Variants in OSBPL8 observed in about 807,000 individuals in gnomAD.
OSBPL8 encodes the protein oxysterol binding protein like 8, also known as oxysterol-binding protein-related protein 8.
In OSBPL8, 59 loss-of-function variants were observed where a neutral mutation model predicts 125.5. The observed-to-expected ratio is 0.47, with a 90% CI of 0.38 to 0.58. OSBPL8 has a LOEUF of 0.58. OSBPL8 is among the 20% of genes least tolerant of loss of function. OSBPL8 has a pLI of 0.00. For synonymous variants in OSBPL8, 330 were observed against 338.9 expected (o/e 0.97, Z 0.29); for missense variants, 758 against 1,047.8 (o/e 0.72, Z 3.82).
intron 4 of OSBPL8, among the ~76,000 whole-genome samples, chr12:76,415,676 A>G (rs1462252394): frequency 6.6e-6 from 1 of 152,212 alleles, no homozygotes; most frequent in Middle Eastern, 3.2e-3. Flanking sequence ...ACATCAGCAT[A>G]CAAAAGTTCA....
chr12:76,477,222 T>C (rs1458028241), intron 2 of OSBPL8, among the ~76,000 whole-genome samples: 6 of 152,218 alleles, frequency 3.9e-5, no homozygotes, highest in African/African-American at 7.2e-5. Flanking sequence ...GTTTCCTTTA[T>C]ACTCTTAGAA....
chr12:76,479,130 A>G (rs1044799862), intron 2 of OSBPL8, among the ~76,000 whole-genome samples: 3 of 152,210 alleles, frequency 2.0e-5, no homozygotes, highest in Non-Finnish European at 4.4e-5. Flanking sequence ...AGAAGTTTCA[A>G]TAAAGCTATA....
intron 1 of OSBPL8, among the ~76,000 whole-genome samples, chr12:76,518,786 G>T (rs999310999): frequency 2.0e-5 from 3 of 152,234 alleles, no homozygotes; most frequent in Admixed American, 6.5e-5. Flanking sequence ...TTGAGCCGAG[G>T]CTGGAGCTGG....
intron 22 of OSBPL8, among the ~76,000 whole-genome samples, chr12:76,357,560 C>T (rs769455891): frequency 1.3e-4 from 20 of 152,284 alleles, no homozygotes; most frequent in Non-Finnish European, 2.2e-4. Context: ...ACTGGTATGC[C>T]ACATGACTCC....
intron 17 of OSBPL8, among the ~76,000 whole-genome samples, chr12:76,374,148 A>G (rs1456700471): frequency 6.6e-6 from 1 of 152,230 alleles, no homozygotes; most frequent in Non-Finnish European, 1.5e-5. Context: ...TATCAGCTGG[A>G]TATCAACATA....
chr12:76,358,644 A>G (rs1952082977), intron 22 of OSBPL8, 62 bp downstream of exon 22: 1 of 1,362,644 alleles, frequency 7.3e-7, no homozygotes, highest in South Asian at 1.2e-5. Context: ...AACCATATTC[A>G]TATCAAATTG....
At chr12:76,507,088 A>C (rs1377448391) in intron 1 of OSBPL8, among the ~76,000 whole-genome samples, 3 of 151,900 alleles carry the variant, frequency 2.0e-5, no homozygotes, top group African/African-American at 7.3e-5. Flanking sequence ...CCAGGCCTGC[A>C]TCCTAATTTA....
intron 1 of OSBPL8, among the ~76,000 whole-genome samples, chr12:76,552,584 C>CTAG (rs1950977258): frequency 6.6e-6 from 1 of 152,100 alleles, no homozygotes; most frequent in Non-Finnish European, 1.5e-5. Context: ...CTGGCTCTCA[C>CTAG]TCTACTAACT....
intron 21 of OSBPL8, among the ~76,000 whole-genome samples, chr12:76,362,842 T>C (rs1053035268): frequency 2.6e-5 from 4 of 151,374 alleles, no homozygotes; most frequent in African/African-American, 9.7e-5. Context: ...AGTCTCAGGA[T>C]ACAAAAAAAT....
chr12:76,369,114 C>G, intron 21 of OSBPL8, 100 bp downstream of exon 21: 1 of 1,453,288 alleles, frequency 6.9e-7, no homozygotes, highest in Non-Finnish European at 9.1e-7. Flanking sequence ...TTTGCTCACC[C>G]AAAATTTTAA....
At chr12:76,372,855 T>C (rs1487030507) in intron 18 of OSBPL8, among the ~76,000 whole-genome samples, 1 of 152,202 alleles carries the variant, frequency 6.6e-6, no homozygotes, top group Admixed American at 6.5e-5. Context: ...ACTATGCCTC[T>C]TTCTTCTATG....
At chr12:76,534,281 T>A (rs777732372) in intron 1 of OSBPL8, 2 of 152,200 alleles carry the variant, frequency 1.3e-5, no homozygotes, top group Non-Finnish European at 2.9e-5. Flanking sequence ...TAGGAATGTT[T>A]CTGTTAAAGA....
chr12:76,449,993 G>C (rs1873191271), intron 4 of OSBPL8, among the ~76,000 whole-genome samples: 1 of 152,070 alleles, frequency 6.6e-6, no homozygotes, highest in South Asian at 2.1e-4. Flanking sequence ...CATGAGACCA[G>C]ATTTTATTCA....
At chr12:76,485,963 A>G (rs1162844594) in intron 2 of OSBPL8, 1 of 363,214 alleles carries the variant, frequency 2.8e-6, no homozygotes, top group Non-Finnish European at 5.4e-6. Context: ...CATAAAATAA[A>G]CATTAAGTTC....
At chr12:76,458,551 TG>T (rs1254494462) in intron 3 of OSBPL8, among the ~76,000 whole-genome samples, 3 of 151,800 alleles carry the variant, frequency 2.0e-5, no homozygotes, top group African/African-American at 7.3e-5. Flanking sequence ...ATTAATTGGG[TG>T]TGGTGGCACA....
intron 4 of OSBPL8, chr12:76,423,015 C>T (rs933815770): frequency 2.5e-5 from 4 of 157,074 alleles, no homozygotes; most frequent in Non-Finnish European, 5.7e-5. Flanking sequence ...GCAATAAAGT[C>T]ATTTTCTCTT....
intron 4 of OSBPL8, among the ~76,000 whole-genome samples, chr12:76,433,727 C>G (rs1467680677): frequency 2.6e-5 from 4 of 152,210 alleles, no homozygotes; most frequent in African/African-American, 9.6e-5. Flanking sequence ...GTAATCCCAG[C>G]ACTTTGGGAG....
chr12:76,542,765 T>G (rs1471660358), intron 1 of OSBPL8, among the ~76,000 whole-genome samples: 2 of 152,174 alleles, frequency 1.3e-5, no homozygotes, highest in Non-Finnish European at 2.9e-5. Context: ...CCTAATAGTT[T>G]TCAAGAGACT....
chr12:76,451,917 G>A (rs1873458477), intron 3 of OSBPL8, among the ~76,000 whole-genome samples: 1 of 152,070 alleles, frequency 6.6e-6, no homozygotes, highest in African/African-American at 2.4e-5. Flanking sequence ...CCAGGAGTTC[G>A]AGACCATCCT....
Sources: gnomAD v4.1 joint callset for allele counts (sites outside exome capture counted in the v4.1 genomes callset) on GRCh38, gnomAD v4.1.1 for gene constraint, MANE v1.5 for transcripts, NCBI Gene and HGNC (gene_info 2026-07-23, HGNC 2026-07-21) for gene names.